Variants in TBC1D31 observed in about 807,000 individuals in gnomAD.
TBC1D31 encodes the protein WD repeat domain 67.
In TBC1D31, 99 loss-of-function variants were observed where a neutral mutation model predicts 132.9. The ratio of observed to expected loss-of-function variants is 0.74; its 90% confidence interval spans 0.63 to 0.88. TBC1D31 has a LOEUF of 0.88. Ranked by LOEUF, TBC1D31 falls within the 40% of genes least tolerant of loss-of-function variation. The pLI is 0.00. For synonymous variants in TBC1D31, 385 were observed against 419.4 expected, an observed-to-expected ratio of 0.92 and a Z score of 1.00; for missense variants, 1,134 against 1,256.6, an observed-to-expected ratio of 0.90 and a Z score of 1.48.
intron 6 of TBC1D31, among the ~76,000 whole-genome samples, chr8:123,100,105 T>C (rs1315778511): frequency 6.6e-6 from 1 of 152,152 alleles, no homozygotes; most frequent in African/African-American, 2.4e-5. Flanking sequence ...ATTCAAATTA[T>C]ATCATTGTCT....
chr8:123,101,490 T>C (rs1211090358), intron 7 of TBC1D31, among the ~76,000 whole-genome samples: 5 of 152,134 alleles, frequency 3.3e-5, no homozygotes, highest in Non-Finnish European at 5.9e-5. Context: ...TCTTGGCTCA[T>C]TGCAACCTCT....
intron 4 of TBC1D31, among the ~76,000 whole-genome samples, chr8:123,087,047 T>G (rs890437145): frequency 6.6e-6 from 1 of 152,188 alleles, no homozygotes; most frequent in African/African-American, 2.4e-5. Context: ...GGCTTTGGTG[T>G]TCAAAATGTT....
intron 17 of TBC1D31, among the ~76,000 whole-genome samples, chr8:123,136,778 A>T (rs906147405): frequency 6.6e-6 from 1 of 152,134 alleles, no homozygotes; most frequent in Non-Finnish European, 1.5e-5. Context: ...TGTGTATCAG[A>T]ATGGGAGGCA....
At chr8:123,097,247 A>T in intron 5 of TBC1D31, 35 bp from the exon 6 acceptor site, 1 of 1,610,862 alleles carries the variant, frequency 6.2e-7, no homozygotes, top group South Asian at 1.1e-5. Flanking sequence ...AAACAATTGA[A>T]CCCGTTTTTC....
chr8:123,162,366 G>A, the TBC1D31 span, among the ~76,000 whole-genome samples: 1 of 152,026 alleles, frequency 6.6e-6, no homozygotes, highest in Non-Finnish European at 1.5e-5. Flanking sequence ...GACTGAGCAG[G>A]GTAACTTAAT....
chr8:123,110,753 CA>C (rs1818365432), intron 10 of TBC1D31, among the ~76,000 whole-genome samples: 1 of 151,942 alleles, frequency 6.6e-6, no homozygotes, highest in Admixed American at 6.6e-5. Context: ...TACTGACACA[CA>C]AAAAAGAATT....
At chr8:123,137,135 TA>T (rs1395689661) in intron 17 of TBC1D31, among the ~76,000 whole-genome samples, 15 of 152,312 alleles carry the variant, frequency 9.8e-5, no homozygotes, top group African/African-American at 3.1e-4. Flanking sequence ...AGAATGAAAC[TA>T]AGTATAAACT....
intron 6 of TBC1D31, among the ~76,000 whole-genome samples, chr8:123,099,686 G>A (rs538000782): frequency 9.2e-5 from 14 of 152,256 alleles, no homozygotes; most frequent in African/African-American, 3.4e-4. Flanking sequence ...CACCCTCCTT[G>A]TTTCTGATAG....
chr8:123,138,930 C>T (rs149711118), intron 17 of TBC1D31, among the ~76,000 whole-genome samples: 1,561 of 152,204 alleles, frequency 0.01, 27 homozygotes, highest in African/African-American at 0.036. Context: ...CTGCCTCAGC[C>T]TCCCAAGTAG....
intron 1 of TBC1D31, among the ~76,000 whole-genome samples, chr8:123,075,637 A>C (rs1055206512): frequency 1.3e-5 from 2 of 152,062 alleles, no homozygotes; most frequent in Non-Finnish European, 2.9e-5. Flanking sequence ...CAGGAGGTGG[A>C]GATTGCAGTG....
the TBC1D31 span, among the ~76,000 whole-genome samples, chr8:123,162,017 CAAAAAAAAAAAAA>C: frequency 2.6e-5 from 2 of 76,118 alleles, no homozygotes; most frequent in Admixed American, 3.3e-4. Context: ...GAGTCCGACT[CAAAAAAAAAAAAA>C]AAAAAAAAAG....
In TBC1D31 at chr8:123,120,046, T is replaced by C. The variant is rs1433636188; in HGVS notation, c.1437-9T>C. ...AATAAATTTTAATGCTAAGTTATTT[T>C]ATTCACAGAACCTTATCTGCATTAG... On this transcript the variant is annotated splice_polypyrimidine_tract_variant and intron_variant, in intron 10 of 21. Coordinates refer to ENST00000287380, the MANE Select transcript of TBC1D31 (RefSeq NM_145647.4). 2 of 1,563,596 alleles carry C rather than the reference T, an allele frequency of 1.3e-6. No individual in the cohort carries two copies. Among genetic ancestry groups the C allele is most frequent in the East Asian group, 4.5e-5 (2 of 44,362 alleles).
chr8:123,161,135 C>T, the TBC1D31 span, among the ~76,000 whole-genome samples: 1 of 152,178 alleles, frequency 6.6e-6, no homozygotes, highest in Non-Finnish European at 1.5e-5. Flanking sequence ...GACCCGAGGG[C>T]CTCAGCCTGC....
At chr8:123,074,312 G>T (rs1318293090) in intron 1 of TBC1D31, among the ~76,000 whole-genome samples, 1 of 152,150 alleles carries the variant, frequency 6.6e-6, no homozygotes, top group Non-Finnish European at 1.5e-5. Flanking sequence ...AAGCCACCGC[G>T]CCTGGCCGAC....
chr8:123,128,603 G>A (rs573044883), intron 14 of TBC1D31, 90 bp downstream of exon 14: 99 of 1,066,772 alleles, frequency 9.3e-5, no homozygotes, highest in African/African-American at 1.1e-4. Flanking sequence ...TTGGCTGAGC[G>A]CGGTGGCTCA....
At chr8:123,113,017 T>C (rs1563715560) in intron 10 of TBC1D31, among the ~76,000 whole-genome samples, 1 of 152,164 alleles carries the variant, frequency 6.6e-6, no homozygotes, top group Non-Finnish European at 1.5e-5. Flanking sequence ...AAGTCTCTCA[T>C]CAGATGCCGA....
chr8:123,128,043 G>A (rs1186648463), intron 13 of TBC1D31: 1 of 309,602 alleles, frequency 3.2e-6, no homozygotes, highest in Non-Finnish European at 5.8e-6. Flanking sequence ...TTTTTCTATT[G>A]TAAGAAAAGC....
At chr8:123,149,204 T>A (rs1181863908) in intron 20 of TBC1D31, among the ~76,000 whole-genome samples, 1 of 151,516 alleles carries the variant, frequency 6.6e-6, no homozygotes, top group Non-Finnish European at 1.5e-5. Flanking sequence ...GCCCTTCAGA[T>A]GTTTGAAGAT....
At chr8:123,158,236 A>T in the TBC1D31 span, among the ~76,000 whole-genome samples, 6 of 151,744 alleles carry the variant, frequency 4.0e-5, no homozygotes, top group Admixed American at 3.3e-4. Flanking sequence ...TTTCCCTAAC[A>T]CATGTTCAGA....
Sources: gnomAD v4.1 joint callset for allele counts (sites outside exome capture counted in the v4.1 genomes callset) on GRCh38, gnomAD v4.1.1 for gene constraint, MANE v1.5 for transcripts, NCBI Gene and HGNC (gene_info 2026-07-23, HGNC 2026-07-21) for gene names.